Variants in RNF215 observed in about 807,000 individuals in gnomAD.
RNF215 encodes the protein ring finger protein 215.
RNF215 carries 41 observed loss-of-function variants against 44.8 expected under a neutral mutation model. The ratio of observed to expected loss-of-function variants is 0.92; its 90% confidence interval spans 0.71 to 1.19. The LOEUF (loss-of-function observed/expected upper bound fraction) is 1.19, where lower values mean the gene tolerates loss of function less well. RNF215 is among the 50% of genes most tolerant of loss of function. RNF215 has a pLI of 0.00. For synonymous variants in RNF215, 218 were observed against 230.1 expected, an observed-to-expected ratio of 0.95 and a Z score of 0.48; for missense variants, 452 against 496.2, an observed-to-expected ratio of 0.91 and a Z score of 0.85.
At chr22:30,382,048 G>A (rs940237309) in intron 5 of RNF215, among the ~76,000 whole-genome samples, 1 of 152,216 alleles carries the variant, frequency 6.6e-6, no homozygotes, top group Non-Finnish European at 1.5e-5. Flanking sequence ...TGGCCAACAC[G>A]TGCTGGGGGC....
At position 30,380,494 on chromosome 22, in the gene RNF215, G is replaced by A. The variant is rs140924188; in HGVS notation, c.745-93C>T. On this transcript the variant is annotated intron_variant, in intron 5 of 8. Transcript: ENST00000382363. The surrounding 1 kb of genome is among the most constrained non-coding windows in gnomAD (Gnocchi z 5.3). ...CCCAGGAACGCCAGGGAGCAGGCAG[G>A]TGAGGTATGCTGACGGCCTCTGTGT... is the stretch of plus-strand genomic sequence containing the variant. The A allele has an allele frequency of 2.7e-6, 4 of 1,471,314 alleles. No homozygotes were observed. The highest frequency in any genetic ancestry group is 2.5e-4 in the Middle Eastern group (1 of 3,930). The allele number at this position is 1,471,314 out of a possible 1,614,324, so 91.1% of individuals were successfully genotyped here.
At position 30,379,701 on chromosome 22, in the gene RNF215, TG is replaced by T. The variant is rs1364452973; in HGVS notation, c.1111+9del. On this transcript the variant is annotated intron_variant, in intron 8 of 8. Coordinates refer to ENST00000382363, the MANE Select transcript of RNF215 (RefSeq NM_001017981.2). ...AGAGTAGGCCGAGGGACCCCACCCC[TG>T]GTGCTCACCCAGGACGTTGAATTTG... 1.2e-5 allele frequency: 19 copies of T among 1,554,060 alleles called. No individual in the cohort carries two copies. The highest frequency in any genetic ancestry group is 1.6e-5 in the Non-Finnish European group (18 of 1,148,596).
intron 2 of RNF215, 95 bp downstream of exon 2, chr22:30,386,521 C>T: frequency 2.0e-6 from 3 of 1,473,446 alleles, no homozygotes; most frequent in Non-Finnish European, 2.7e-6. Flanking sequence ...GGCTTCTCTG[C>T]AAGCTCTTAA....
chr22:30,385,463 T>C (rs1601759936), intron 4 of RNF215, among the ~76,000 whole-genome samples: 1 of 143,714 alleles, frequency 7.0e-6, no homozygotes, highest in Non-Finnish European at 1.5e-5. Flanking sequence ...GGCCGGGCCC[T>C]GCCAGGCCCA....
At chr22:30,379,862 C>A in intron 7 of RNF215, 49 bp from the exon 8 acceptor site, 2 of 1,545,696 alleles carry the variant, frequency 1.3e-6, no homozygotes, top group Non-Finnish European at 1.8e-6. Context: ...CAGGACTCCA[C>A]GTGGGGGTGC....
rs1177241217 is a variant in RNF215, at chr22:30,379,413, A to G, written c.*187T>C. 9.0e-6 allele frequency: 6 copies of G among 666,200 alleles called. No homozygotes were observed. In the East Asian group the frequency reaches 1.6e-4, roughly 18 times the overall value. 41.3% of individuals were successfully genotyped at this position (666,200 alleles called of 1,614,324 possible). On this transcript the variant is annotated 3_prime_UTR_variant, in exon 9 of 9. Coordinates refer to ENST00000382363, the MANE Select transcript of RNF215 (RefSeq NM_001017981.2). ...TGACAGGTCCCAGCCCTAGATCCTCAGTCTGAAGCTGTGGGGCCCTCCTTC... is the reference window on the plus strand; with the variant it reads ...TGACAGGTCCCAGCCCTAGATCCTCGGTCTGAAGCTGTGGGGCCCTCCTTC...
chr22:30,385,933 A>G lies in RNF215; in HGVS notation c.558T>C (p.Asn186=), dbSNP rs777523008. ...GCAATGCATCCAACAGCTTGGTGAC[A>G]TTGGAGGAATAATGGAGGACGATCA... ...RPVIVLHYSS[N]VTKLLDALLQ... The change falls in exon 4 of 9, where the codon AAT becomes AAC. Residue 186 remains asparagine, a synonymous_variant. Transcript: ENST00000382363. The G allele has an allele frequency of 8.1e-6, 13 of 1,614,140 alleles. No homozygotes were observed. The highest frequency in any genetic ancestry group is 1.3e-5 in the African/African-American group (1 of 75,040).
In RNF215 at chr22:30,379,826, G is replaced by A. The variant is rs202192504; in HGVS notation, c.1009-13C>T. On this transcript the variant is annotated splice_polypyrimidine_tract_variant and intron_variant, in intron 7 of 8. Transcript: ENST00000382363. ...GCACCCGGAGCCACTACAGGGGTGG[G>A]GGAGGAAGGGCTCAGGTCACCGAAG... 3 of 1,573,394 alleles carry A rather than the reference G, an allele frequency of 1.9e-6. No individual in the cohort carries two copies. The highest frequency in any genetic ancestry group is 1.3e-5 in the African/African-American group (1 of 74,188).
rs771970953 is a variant in RNF215, at chr22:30,386,697, C to A, written c.348G>T (p.Val116=). The A allele has an allele frequency of 1.2e-6, 2 of 1,611,950 alleles. No homozygotes were observed. Among genetic ancestry groups the A allele is most frequent in the Admixed American group, 1.7e-5 (1 of 60,002 alleles). The change falls in exon 2 of 9, where the codon GTG becomes GTT. Residue 116 remains valine (V), a synonymous_variant. Coordinates refer to ENST00000382363, the MANE Select transcript of RNF215 (RefSeq NM_001017981.2). ...GGAACTGGGCCGCCTGCTCCTTGCCCACGTATGCCACTGCAATCCAGCCTT... is the reference window on the plus strand; with the variant it reads ...GGAACTGGGCCGCCTGCTCCTTGCCAACGTATGCCACTGCAATCCAGCCTT... The part of the protein sequence containing the change: ...PVEGWIAVAY[V]GKEQAAQFHQ...
rs1601756406 is a variant in RNF215, at chr22:30,379,466, C to T, written c.*134G>A. On this transcript the variant is annotated 3_prime_UTR_variant, in exon 9 of 9. Coordinates refer to ENST00000382363, the MANE Select transcript of RNF215 (RefSeq NM_001017981.2). The stretch of plus-strand genomic sequence containing the variant: ...AGTGTGGACATGGTGGGGCCCTCAT[C>T]CTTCCTCCCACCCACTGGGCTTGCT... The T allele has an allele frequency of 9.0e-7, 1 of 1,109,134 alleles. No homozygotes were observed. The highest frequency in any genetic ancestry group is 1.3e-6 in the Non-Finnish European group (1 of 779,984). 68.7% of individuals were successfully genotyped at this position (1,109,134 alleles called of 1,614,324 possible). A position where few individuals can be genotyped will look rare whatever the true frequency, so the allele number is the denominator to read the frequency against.
intron 4 of RNF215, 147 bp downstream of exon 4, chr22:30,385,757 C>T: frequency 1.5e-6 from 1 of 680,786 alleles, no homozygotes; most frequent in Non-Finnish European, 2.5e-6. Context: ...TGCACTCCAG[C>T]CTGGGCAACA....
At chr22:30,386,466 T>G (rs1933601202) in intron 2 of RNF215, 150 bp downstream of exon 2, 15 of 952,212 alleles carry the variant, frequency 1.6e-5, no homozygotes, top group Middle Eastern at 2.2e-4. Flanking sequence ...GAAGCCATAC[T>G]GACTCCATTC....
chr22:30,384,296 G>A lies in RNF215; in HGVS notation c.744+43C>T, dbSNP rs186013773. On this transcript the variant is annotated intron_variant, in intron 5 of 8. Coordinates refer to ENST00000382363, the MANE Select transcript of RNF215 (RefSeq NM_001017981.2). ...TACAAAGCCATGTATATGGCCCCAC[G>A]AGCCTCCTTTCCCTAGGCCCCATGT... 8,384 of 1,585,740 alleles carry A rather than the reference G, an allele frequency of 5.3e-3. 47 individuals are homozygous for A. Among genetic ancestry groups the A allele is most frequent in the Middle Eastern group, 0.018 (108 of 5,930 alleles).
intron 2 of RNF215, 21 bp downstream of exon 2, chr22:30,386,595 C>T (rs370451214): frequency 5.7e-5 from 92 of 1,604,634 alleles, no homozygotes; most frequent in Non-Finnish European, 7.3e-5. Context: ...CAGCCCCCTC[C>T]CCCATAGACA....
Position 30,380,168 on chromosome 22 carries a change from G to A in RNF215, c.902C>T (p.Ala301Val). 1 of 1,613,886 alleles carries A rather than the reference G, an allele frequency of 6.2e-7. No individual in the cohort carries two copies. The highest frequency in any genetic ancestry group is 8.5e-7 in the Non-Finnish European group (1 of 1,179,980). The change falls in exon 7 of 9, where the codon GCA becomes GTA. Residue 301 changes from alanine to valine, a missense_variant. Ala to Val is a moderately conservative substitution (Grantham distance 64). Transcript: ENST00000382363. The surrounding 1 kb of genome is among the most constrained non-coding windows in gnomAD (Gnocchi z 5.3). ...LFKRRVVRRL[A>V]SLKTRRCRLS... ...CCGGCAGCGCCGTGTCTTGAGGGATGCCAGTCTCCGCACCACGCGGCGCTT... is the reference window on the plus strand; with the variant it reads ...CCGGCAGCGCCGTGTCTTGAGGGATACCAGTCTCCGCACCACGCGGCGCTT...
Position 30,387,185 on chromosome 22 carries a change from C to T in RNF215, c.129G>A (p.Ala43=), listed in dbSNP as rs923866066. The T allele has an allele frequency of 9.3e-5, 100 of 1,072,352 alleles. No homozygotes were observed. The African/African-American group carries it at 1.5e-3, about 16-fold the overall frequency. 66.4% of individuals were successfully genotyped at this position (1,072,352 alleles called of 1,614,324 possible). The change falls in exon 1 of 9, where the codon GCG becomes GCA. Residue 43 remains alanine (A), a synonymous_variant. Transcript: ENST00000382363. ...WLGLAGPGAA[A]DGSEPAAGAG... is the part of the protein sequence containing the mutation. ...CCCCGGCCGCCGGCTCGCTGCCGTC[C>T]GCCGCGGCCCCGGGCCCCGCCAGGC...
At chr22:30,381,214 A>G (rs1933525509) in intron 5 of RNF215, among the ~76,000 whole-genome samples, 1 of 152,010 alleles carries the variant, frequency 6.6e-6, no homozygotes, top group African/African-American at 2.4e-5. Context: ...CGCTCTACCC[A>G]GCGTTCCCTT....
chr22:30,384,648 T>C, intron 4 of RNF215, 153 bp from the exon 5 acceptor site: 1 of 621,056 alleles, frequency 1.6e-6, no homozygotes, highest in Non-Finnish European at 2.7e-6. Context: ...TATTGGTTTT[T>C]CCAATTTTCA....
chr22:30,381,892 T>A (rs1990268), intron 5 of RNF215, among the ~76,000 whole-genome samples: 1 of 152,030 alleles, frequency 6.6e-6, no homozygotes, highest in Admixed American at 6.6e-5. Flanking sequence ...GTCCCCAAGC[T>A]CCAGGCTGAG....
Sources: allele counts gnomAD v4.1 joint callset (sites outside exome capture counted in the v4.1 genomes callset), GRCh38; gene constraint gnomAD v4.1.1; non-coding constraint Gnocchi (gnomAD v3.1); transcripts MANE v1.5; gene names NCBI Gene and HGNC (gene_info 2026-07-23, HGNC 2026-07-21).